PRORP: variants seen among roughly 807,000 people sequenced by gnomAD.
PRORP encodes the protein protein only RNase P catalytic subunit, also known as mitochondrial ribonuclease P catalytic subunit.
A neutral mutation model predicts 59.4 loss-of-function variants in PRORP; 51 were observed. The observed-to-expected ratio is 0.86, with a 90% confidence interval of 0.69 to 1.08. PRORP has a LOEUF of 1.08. Among genes scored for constraint, PRORP ranks in the 50% least tolerant of loss-of-function variants. The pLI is 0.00. For synonymous variants in PRORP, 231 were observed against 245.6 expected, an observed-to-expected ratio of 0.94 and a Z score of 0.55; for missense variants, 646 against 690.3, an observed-to-expected ratio of 0.94 and a Z score of 0.72.
intron 5 of PRORP, among the ~76,000 whole-genome samples, chr14:35,218,532 TTTTTTTTTTG>T (rs2049679162): frequency 2.0e-5 from 1 of 49,614 alleles, no homozygotes; most frequent in Non-Finnish European, 4.1e-5. Context: ...TTTTTTTTTT[TTTTTTTTTTG>T]TTGAGACAGA....
Position 35,202,192 on chromosome 14 carries a change from C to T in PRORP, c.1275+21415C>T, listed in dbSNP as rs902314570. 1.8e-4 allele frequency among the ~76,000 whole-genome samples: 28 copies of T among 151,734 alleles called. No individual in the cohort carries two copies. In the Middle Eastern group the frequency reaches 0.01, roughly 56 times the overall value. ...CACCATGGTCTCGATCTCCTGACCT[C>T]GTGATCCGCTCGCCTCAGCCTCCCA... On this transcript the variant is annotated intron_variant, in intron 5 of 7. Coordinates refer to ENST00000534898, the MANE Select transcript of PRORP (RefSeq NM_014672.4).
intron 5 of PRORP, among the ~76,000 whole-genome samples, chr14:35,227,913 G>A (rs1253685279): frequency 1.3e-5 from 2 of 151,600 alleles, no homozygotes; most frequent in Non-Finnish European, 2.9e-5. Context: ...GGGAGGCCGA[G>A]GTCGGTGGAT....
At chr14:35,151,726 A>G (rs892608337) in intron 4 of PRORP, among the ~76,000 whole-genome samples, 1 of 151,738 alleles carries the variant, frequency 6.6e-6, no homozygotes, top group African/African-American at 2.4e-5. Flanking sequence ...AAGCACCACA[A>G]GGGTAGGGAT....
chr14:35,162,381 T>C (rs2048081668), intron 4 of PRORP, among the ~76,000 whole-genome samples: 1 of 152,100 alleles, frequency 6.6e-6, no homozygotes, highest in Admixed American at 6.6e-5. Context: ...ATCAAACATT[T>C]TGATCTTTGC....
rs865816959 is a variant in PRORP, at chr14:35,263,227, T to A, written c.1276-3500T>A. Among the ~76,000 whole-genome samples the A allele has an allele frequency of 2.1e-4, 32 of 152,362 alleles. 1 individual carries two copies. In the Middle Eastern group the frequency reaches 0.014, roughly 65 times the overall value. Reference sequence around the variant, plus strand: ...GAGCTGTGAGTCATTTGTTCTTTCATTTTTCAAGTTTTCAAATATGAGCTA... The same window carrying A: ...GAGCTGTGAGTCATTTGTTCTTTCAATTTTCAAGTTTTCAAATATGAGCTA... On this transcript the variant is annotated intron_variant, in intron 5 of 7. Coordinates refer to ENST00000534898, the MANE Select transcript of PRORP (RefSeq NM_014672.4).
At chr14:35,240,738 T>G (rs1472144799) in intron 5 of PRORP, among the ~76,000 whole-genome samples, 1 of 152,178 alleles carries the variant, frequency 6.6e-6, no homozygotes, top group East Asian at 1.9e-4. Flanking sequence ...TCCTCCACAT[T>G]GATTAAATCA....
At chr14:35,250,912 G>T (rs576521530) in intron 5 of PRORP, among the ~76,000 whole-genome samples, 1 of 152,072 alleles carries the variant, frequency 6.6e-6, no homozygotes, top group African/African-American at 2.4e-5. Flanking sequence ...GGAAAAGGTG[G>T]TGTTTGGTTC....
intron 5 of PRORP, among the ~76,000 whole-genome samples, chr14:35,208,339 G>A (rs1282985311): frequency 6.6e-6 from 1 of 152,086 alleles, no homozygotes; most frequent in East Asian, 1.9e-4. Flanking sequence ...TACTCCTGGG[G>A]CTGAAACAGG....
At chr14:35,259,157 A>T (rs1410749520) in intron 5 of PRORP, among the ~76,000 whole-genome samples, 2 of 152,084 alleles carry the variant, frequency 1.3e-5, no homozygotes, top group Non-Finnish European at 2.9e-5. Context: ...CACATTTAAG[A>T]TTGCTATGTT....
At chr14:35,136,381 G>GT (rs1037029931) in intron 4 of PRORP, among the ~76,000 whole-genome samples, 50 of 148,348 alleles carry the variant, frequency 3.4e-4, no homozygotes, top group African/African-American at 8.6e-4. Context: ...TGTTTTTTTG[G>GT]TTTTTTTTTT....
chr14:35,252,241 A>G (rs923902716), intron 5 of PRORP, among the ~76,000 whole-genome samples: 4 of 152,084 alleles, frequency 2.6e-5, no homozygotes, highest in African/African-American at 9.7e-5. Context: ...CTTGGGTAAC[A>G]TGGTGAGACC....
intron 2 of PRORP, among the ~76,000 whole-genome samples, chr14:35,126,364 G>A (rs2047097889): frequency 6.6e-6 from 1 of 152,210 alleles, no homozygotes; most frequent in South Asian, 2.1e-4. Flanking sequence ...GTACCACACA[G>A]TGAAATAACA....
intron 5 of PRORP, among the ~76,000 whole-genome samples, chr14:35,227,170 G>A (rs1229904365): frequency 1.3e-5 from 2 of 151,764 alleles, no homozygotes; most frequent in Non-Finnish European, 2.9e-5. Context: ...TTAGCCAGGC[G>A]CGGTGGCTCA....
At chr14:35,201,898 T>G (rs992117855) in intron 5 of PRORP, among the ~76,000 whole-genome samples, 2 of 151,952 alleles carry the variant, frequency 1.3e-5, no homozygotes, top group Non-Finnish European at 2.9e-5. Context: ...CCTCAGATGA[T>G]CTGCCCACTT....
At chr14:35,173,846 C>G (rs188550583) in intron 4 of PRORP, among the ~76,000 whole-genome samples, 1 of 152,068 alleles carries the variant, frequency 6.6e-6, no homozygotes, top group East Asian at 1.9e-4. Context: ...CTTGGGTCTC[C>G]TATTGTAATC....
At chr14:35,270,900 G>A (rs1003663679) in intron 7 of PRORP, among the ~76,000 whole-genome samples, 5 of 151,666 alleles carry the variant, frequency 3.3e-5, no homozygotes, top group Non-Finnish European at 5.9e-5. Context: ...TGGCTAACAC[G>A]GTGAAACCCC....
intron 5 of PRORP, among the ~76,000 whole-genome samples, chr14:35,230,547 G>A (rs1318941695): frequency 1.3e-5 from 2 of 152,212 alleles, no homozygotes; most frequent in African/African-American, 4.8e-5. Flanking sequence ...CATTTAGTAA[G>A]TATTCATCGA....
chr14:35,153,162 C>T (rs1314308201), intron 4 of PRORP, among the ~76,000 whole-genome samples: 10 of 152,238 alleles, frequency 6.6e-5, no homozygotes, highest in Admixed American at 3.9e-4. Flanking sequence ...CCGAGGCTGG[C>T]GGATCACTCG....
chr14:35,214,170 A>C (rs549547650), intron 5 of PRORP, among the ~76,000 whole-genome samples: 1 of 152,322 alleles, frequency 6.6e-6, no homozygotes, highest in East Asian at 1.9e-4. Flanking sequence ...CTTTCAAAGA[A>C]TACTGTCTGG....
Sources: allele counts gnomAD v4.1 joint callset (sites outside exome capture counted in the v4.1 genomes callset), GRCh38; gene constraint gnomAD v4.1.1; transcripts MANE v1.5; gene names NCBI Gene and HGNC (gene_info 2026-07-23, HGNC 2026-07-21).